HMCES: variants seen among roughly 807,000 people sequenced by gnomAD.
HMCES encodes the protein 5-hydroxymethylcytosine binding, ES cell specific.
A neutral mutation model predicts 35.1 loss-of-function variants in HMCES; 27 were observed. That is an observed-to-expected ratio of 0.77 (90% confidence interval 0.57 to 1.06). The LOEUF is 1.06. Among genes scored for constraint, HMCES ranks in the 50% least tolerant of loss-of-function variants. HMCES has a pLI of 0.00. For missense variants in HMCES, 391 were observed against 430.4 expected (o/e 0.91, Z 0.81); for synonymous variants, 130 against 154.7 (o/e 0.84, Z 1.18).
At position 129,290,824 on chromosome 3, in the gene HMCES, CA is replaced by C; in HGVS notation, c.453+22del. The C allele has an allele frequency of 5.6e-6, 9 of 1,603,794 alleles. No individual in the cohort carries two copies. Among genetic ancestry groups the C allele is most frequent in the Non-Finnish European group, 7.7e-6 (9 of 1,172,100 alleles). On this transcript the variant is annotated intron_variant, in intron 4 of 6. Coordinates refer to ENST00000383463, the MANE Select transcript of HMCES (RefSeq NM_020187.3). ...GAGAAGGTATCATTATCAGCATTCA[CA>C]ATATATATTTGGAAAGGCACAGGGA...
chr3:129,289,388 G>A (rs965001564), intron 3 of HMCES, among the ~76,000 whole-genome samples: 2 of 152,244 alleles, frequency 1.3e-5, no homozygotes, highest in African/African-American at 4.8e-5. Flanking sequence ...AGGGTGTCAG[G>A]GTAGCCAGGC....
At chr3:129,294,932 C>T (rs1576988621) in intron 4 of HMCES, among the ~76,000 whole-genome samples, 2 of 151,934 alleles carry the variant, frequency 1.3e-5, no homozygotes, top group East Asian at 1.9e-4. Context: ...CCGAGGTGGG[C>T]GGATCACCAG....
intron 2 of HMCES, among the ~76,000 whole-genome samples, chr3:129,282,865 A>G (rs567299120): frequency 9.2e-5 from 14 of 152,316 alleles, no homozygotes; most frequent in African/African-American, 3.4e-4. Context: ...ATATTGAGCA[A>G]TGGTCTTAGT....
chr3:129,287,624 C>T (rs1039193796), intron 2 of HMCES, among the ~76,000 whole-genome samples: 8 of 152,082 alleles, frequency 5.3e-5, no homozygotes, highest in Admixed American at 1.3e-4. Flanking sequence ...AATAAACCAC[C>T]CTTATGAGTT....
rs1205607647 is a variant in HMCES, at chr3:129,304,662, C to T, written c.902C>T (p.Ser301Leu). 3.0e-5 allele frequency: 49 copies of T among 1,614,066 alleles called. No homozygotes were observed. In the East Asian group the frequency reaches 1.1e-3, roughly 35 times the overall value. ...ACAAAGTCACCCAAAAAGGAAGACT[C>T]AAAAACACCTCAAAAGGAAGAGTCA... ...LATKSPKKEDSKTPQKEESDV... is the reference protein window; with the variant it reads ...LATKSPKKEDLKTPQKEESDV... Residue 301 changes from serine (S) to leucine (L), a missense_variant, in exon 7 of 7, where the codon TCA (serine) becomes TTA (leucine). Ser to Leu is a moderately radical substitution (Grantham distance 145). Coordinates refer to ENST00000383463, the MANE Select transcript of HMCES (RefSeq NM_020187.3).
At chr3:129,293,856 A>G (rs780537777) in intron 4 of HMCES, among the ~76,000 whole-genome samples, 10 of 152,100 alleles carry the variant, frequency 6.6e-5, no homozygotes, top group Non-Finnish European at 2.9e-5. Context: ...GGCATGAGCT[A>G]CTGCGCCTGG....
Position 129,298,519 on chromosome 3 carries a change from A to G in HMCES, c.619A>G (p.Ser207Gly). ...IITVDSCKGL[S>G]DIHHRMPAIL... Reference sequence around the variant, plus strand: ...CACAGTGGATTCCTGCAAAGGCTTGAGTGACATCCACCACAGGCAAGTCAT... The same window carrying G: ...CACAGTGGATTCCTGCAAAGGCTTGGGTGACATCCACCACAGGCAAGTCAT... The change falls in exon 5 of 7, where the codon AGT (serine) becomes GGT (glycine). Residue 207 changes from serine to glycine, a missense_variant. Ser to Gly is a moderately conservative substitution (Grantham distance 56). Transcript: ENST00000383463. 6.2e-7 allele frequency: 1 copy of G among 1,613,868 alleles called. No individual in the cohort carries two copies. Among genetic ancestry groups the G allele is most frequent in the Non-Finnish European group, 8.5e-7 (1 of 1,179,756 alleles).
chr3:129,289,322 G>A (rs1158919312), intron 3 of HMCES, among the ~76,000 whole-genome samples: 1 of 152,156 alleles, frequency 6.6e-6, no homozygotes, highest in Non-Finnish European at 1.5e-5. Flanking sequence ...ACCCACATCT[G>A]ACCCTTCAGC....
chr3:129,282,904 G>A (rs1354429702), intron 2 of HMCES, among the ~76,000 whole-genome samples: 1 of 152,062 alleles, frequency 6.6e-6, no homozygotes, highest in African/African-American at 2.4e-5. Flanking sequence ...CTTTCTATTC[G>A]TCATTCTCAC....
At chr3:129,298,044 A>T (rs2071114916) in intron 4 of HMCES, among the ~76,000 whole-genome samples, 1 of 152,202 alleles carries the variant, frequency 6.6e-6, no homozygotes, top group South Asian at 2.1e-4. Flanking sequence ...TGAGAGCTTC[A>T]TTTACCAACA....
intron 2 of HMCES, among the ~76,000 whole-genome samples, chr3:129,282,041 T>C (rs1423822279): frequency 6.6e-6 from 1 of 152,192 alleles, no homozygotes; most frequent in Admixed American, 6.5e-5. Flanking sequence ...ATTGAAACTT[T>C]TTGTTTTAAA....
intron 4 of HMCES, among the ~76,000 whole-genome samples, chr3:129,293,758 G>C (rs2071053910): frequency 6.6e-6 from 1 of 151,794 alleles, no homozygotes; most frequent in Admixed American, 6.6e-5. Context: ...AGTAGAGACA[G>C]GGTTTCACCA....
chr3:129,285,089 A>C (rs1282720827), intron 2 of HMCES, among the ~76,000 whole-genome samples: 2 of 152,034 alleles, frequency 1.3e-5, no homozygotes, highest in Non-Finnish European at 2.9e-5. Flanking sequence ...TCTTCGTTCT[A>C]CTTTTATCTT....
chr3:129,278,983 CAG>C (rs1315221642), intron 1 of HMCES, 78 bp downstream of exon 1: 2 of 151,142 alleles, frequency 1.3e-5, no homozygotes, highest in Non-Finnish European at 2.9e-5. Flanking sequence ...CGCGAGCTGA[CAG>C]AGGGGAGCAG....
At chr3:129,286,362 C>G (rs1218095361) in intron 2 of HMCES, among the ~76,000 whole-genome samples, 1 of 152,136 alleles carries the variant, frequency 6.6e-6, no homozygotes, top group South Asian at 2.1e-4. Context: ...GAAAGTGGGC[C>G]CTCACCAGAC....
intron 6 of HMCES, among the ~76,000 whole-genome samples, chr3:129,303,869 G>A (rs1481391110): frequency 6.6e-6 from 1 of 151,386 alleles, no homozygotes; most frequent in African/African-American, 2.4e-5. Context: ...CAGCCTCCCA[G>A]GTAGCTGGGA....
At chr3:129,285,271 A>G (rs988753648) in intron 2 of HMCES, among the ~76,000 whole-genome samples, 2 of 152,070 alleles carry the variant, frequency 1.3e-5, no homozygotes, top group African/African-American at 4.8e-5. Flanking sequence ...TTTAATCCTT[A>G]CCTTAGAAAA....
intron 2 of HMCES, among the ~76,000 whole-genome samples, chr3:129,285,708 A>G (rs1940619352): frequency 6.6e-6 from 1 of 151,196 alleles, no homozygotes; most frequent in Admixed American, 6.6e-5. Context: ...CTGCCTCCCA[A>G]AGTGCTAGGA....
At chr3:129,303,762 A>C (rs749728473) in intron 6 of HMCES, among the ~76,000 whole-genome samples, 1 of 151,136 alleles carries the variant, frequency 6.6e-6, no homozygotes, top group Non-Finnish European at 1.5e-5. Context: ...TCTTTTTTAG[A>C]GACAGGGTCA....
Sources: gnomAD v4.1 joint callset for allele counts (sites outside exome capture counted in the v4.1 genomes callset) on GRCh38, gnomAD v4.1.1 for gene constraint, MANE v1.5 for transcripts, NCBI Gene and HGNC (gene_info 2026-07-23, HGNC 2026-07-21) for gene names.